The following EPHA5 variants were observed in gnomAD, a reference collection of about 807,000 sequenced individuals.
EPHA5 encodes the protein ephrin type-A receptor 5.
A neutral mutation model predicts 105.0 loss-of-function variants in EPHA5; 60 were observed. That is an observed-to-expected ratio of 0.57 (90% CI 0.46 to 0.71). The LOEUF is 0.71. Ranked by LOEUF, EPHA5 falls within the 30% of genes least tolerant of loss-of-function variation. The pLI is 0.00. For synonymous variants in EPHA5, 513 were observed against 449.1 expected (o/e 1.14, Z -1.80); for missense variants, 1,218 against 1,274.7 (o/e 0.96, Z 0.68).
chr4:65,625,461 C>T (rs1746051138), intron 2 of EPHA5, among the ~76,000 whole-genome samples: 1 of 152,114 alleles, frequency 6.6e-6, no homozygotes, highest in Admixed American at 6.5e-5. Context: ...AAAATTCTCA[C>T]CTTCTCCAGT....
intron 3 of EPHA5, among the ~76,000 whole-genome samples, chr4:65,521,908 C>A (rs1172663302): frequency 5.9e-5 from 9 of 152,014 alleles, no homozygotes; most frequent in African/African-American, 1.9e-4. Flanking sequence ...ACTGTCTGTG[C>A]TTCTCAGATT....
At chr4:65,428,091 G>A (rs1458750611) in intron 5 of EPHA5, among the ~76,000 whole-genome samples, 1 of 151,866 alleles carries the variant, frequency 6.6e-6, no homozygotes, top group African/African-American at 2.4e-5. Flanking sequence ...AATAAATAAA[G>A]CTACATATAG....
intron 11 of EPHA5, among the ~76,000 whole-genome samples, chr4:65,356,552 T>C (rs2148868672): frequency 6.6e-6 from 1 of 151,622 alleles, no homozygotes; most frequent in Non-Finnish European, 1.5e-5. Context: ...TCATCTAATT[T>C]TAAAAGCCAG....
chr4:65,607,932 C>A (rs1365716526), intron 2 of EPHA5, among the ~76,000 whole-genome samples: 1 of 152,148 alleles, frequency 6.6e-6, no homozygotes, highest in Non-Finnish European at 1.5e-5. Flanking sequence ...GGAAGCATCC[C>A]AAATGCCCAT....
intron 5 of EPHA5, among the ~76,000 whole-genome samples, chr4:65,480,478 A>G (rs1208941495): frequency 6.6e-6 from 1 of 152,190 alleles, no homozygotes; most frequent in East Asian, 1.9e-4. Flanking sequence ...TAGGCAAATT[A>G]AGAAACCACG....
intron 2 of EPHA5, among the ~76,000 whole-genome samples, chr4:65,637,457 T>C (rs1238946927): frequency 6.6e-6 from 1 of 151,354 alleles, no homozygotes; most frequent in African/African-American, 2.4e-5. Context: ...CTCCTGCCTC[T>C]GGCTTCCTGA....
chr4:65,499,862 GA>G (rs999850145), intron 3 of EPHA5, among the ~76,000 whole-genome samples: 7 of 150,024 alleles, frequency 4.7e-5, no homozygotes, highest in African/African-American at 1.7e-4. Context: ...TGTAGTCCAC[GA>G]TAAGAGATTT....
At chr4:65,600,755 G>A (rs1414290410) in intron 3 of EPHA5, among the ~76,000 whole-genome samples, 1 of 151,982 alleles carries the variant, frequency 6.6e-6, no homozygotes, top group African/African-American at 2.4e-5. Flanking sequence ...GGATCATGAG[G>A]GTGAATAATT....
chr4:65,507,903 C>G (rs899799007), intron 3 of EPHA5, among the ~76,000 whole-genome samples: 11 of 151,896 alleles, frequency 7.2e-5, no homozygotes, highest in African/African-American at 2.7e-4. Context: ...ATTATTTTCT[C>G]TAAATTAATA....
chr4:65,597,313 G>GCAT (rs1363190921), intron 3 of EPHA5, among the ~76,000 whole-genome samples: 1 of 152,118 alleles, frequency 6.6e-6, no homozygotes, highest in Non-Finnish European at 1.5e-5. Context: ...GTCTTGCCTT[G>GCAT]CATCTAAGTA....
Position 65,351,613 on chromosome 4 carries a change from T to C in EPHA5, c.2236-15A>G, listed in dbSNP as rs746338965. 4.3e-6 allele frequency: 7 copies of C among 1,610,954 alleles called. No homozygotes were observed. The South Asian group carries it at 5.5e-5, about 13-fold the overall frequency. On this transcript the variant is annotated splice_polypyrimidine_tract_variant and intron_variant, in intron 12 of 16. Coordinates refer to ENST00000613740, the MANE Select transcript of EPHA5 (RefSeq NM_001281766.3). ...CCATCGTTTTTCTGTAAAGACAATGTAGAAATATTAGTCTAGCAACACCAA... is the reference window on the plus strand; with the variant it reads ...CCATCGTTTTTCTGTAAAGACAATGCAGAAATATTAGTCTAGCAACACCAA...
chr4:65,524,215 A>G (rs192492491), intron 3 of EPHA5, among the ~76,000 whole-genome samples: 12 of 151,904 alleles, frequency 7.9e-5, no homozygotes, highest in Admixed American at 2.0e-4. Context: ...AATTTTTTAA[A>G]AGGTATACTG....
intron 3 of EPHA5, among the ~76,000 whole-genome samples, chr4:65,502,221 C>A (rs888290783): frequency 6.6e-6 from 1 of 150,834 alleles, no homozygotes; most frequent in Non-Finnish European, 1.5e-5. Flanking sequence ...TAAGTCTTTA[C>A]AAGCAATTGT....
intron 2 of EPHA5, among the ~76,000 whole-genome samples, chr4:65,638,990 C>A (rs1356645988): frequency 6.6e-6 from 1 of 152,166 alleles, no homozygotes; most frequent in Non-Finnish European, 1.5e-5. Flanking sequence ...TAAGCCATAT[C>A]TATGAAAGCA....
chr4:65,656,933 G>A (rs1334619102), intron 1 of EPHA5, among the ~76,000 whole-genome samples: 1 of 142,082 alleles, frequency 7.0e-6, no homozygotes, highest in Non-Finnish European at 1.5e-5. Flanking sequence ...TTATTTTAGA[G>A]TAAATGAAAA....
chr4:65,413,157 CT>C (rs1338896937), intron 7 of EPHA5, among the ~76,000 whole-genome samples: 1 of 151,906 alleles, frequency 6.6e-6, no homozygotes, highest in African/African-American at 2.4e-5. Flanking sequence ...TCACATGTTC[CT>C]ATTAAATCTA....
At chr4:65,621,799 G>T (rs1390342687) in intron 2 of EPHA5, among the ~76,000 whole-genome samples, 1 of 152,040 alleles carries the variant, frequency 6.6e-6, no homozygotes, top group African/African-American at 2.4e-5. Context: ...ATTTAATCCT[G>T]GGAATATTCT....
chr4:65,642,680 G>A (rs1214014099), intron 2 of EPHA5, among the ~76,000 whole-genome samples: 1 of 151,852 alleles, frequency 6.6e-6, no homozygotes, highest in East Asian at 1.9e-4. Context: ...TCACACATCT[G>A]GTTTACTCAT....
chr4:65,425,727 A>T (rs4241663), intron 5 of EPHA5, among the ~76,000 whole-genome samples: 131,758 of 152,006 alleles, frequency 0.87, 58,303 homozygotes, highest in South Asian at 0.99. Context: ...ACTGCTGCTG[A>T]CTTGAACCAG....
Sources: allele counts gnomAD v4.1 joint callset (sites outside exome capture counted in the v4.1 genomes callset), GRCh38; gene constraint gnomAD v4.1.1; transcripts MANE v1.5; gene names NCBI Gene and HGNC (gene_info 2026-07-23, HGNC 2026-07-21).